Variants in PARG observed in about 807,000 individuals in gnomAD.
PARG encodes mitochondrial poly(ADP-ribose) glycohydrolase.
A neutral mutation model predicts 113.0 loss-of-function variants in PARG; 35 were observed. The observed-to-expected ratio is 0.31, with a 90% CI of 0.24 to 0.41. The LOEUF (loss-of-function observed/expected upper bound fraction) is 0.41. PARG is among the 10% of genes least tolerant of loss of function. The pLI is 1.00. For synonymous variants in PARG, 330 were observed against 409.9 expected (o/e 0.81, Z 2.36); for missense variants, 797 against 1,169.4 (o/e 0.68, Z 4.64).
chr10:49,862,174 A>T (rs1478207973), intron 11 of PARG, among the ~76,000 whole-genome samples: 1 of 151,476 alleles, frequency 6.6e-6, no homozygotes, highest in African/African-American at 2.4e-5. Context: ...AATAAGGTTA[A>T]CAGATAAACT....
chr10:49,857,082 T>C (rs1488357040), intron 13 of PARG, among the ~76,000 whole-genome samples: 1 of 147,854 alleles, frequency 6.8e-6, no homozygotes, highest in African/African-American at 2.5e-5. Flanking sequence ...GTTCCTCAGA[T>C]AAAGATGCCA....
intron 13 of PARG, among the ~76,000 whole-genome samples, chr10:49,844,514 T>C (rs975173110): frequency 6.6e-6 from 1 of 151,042 alleles, no homozygotes; most frequent in Non-Finnish European, 1.5e-5. Flanking sequence ...TCCCAGCTAC[T>C]CAGGAGGCTG....
chr10:49,905,550 T>G (rs1848545492), intron 7 of PARG, among the ~76,000 whole-genome samples: 1 of 152,034 alleles, frequency 6.6e-6, no homozygotes, highest in Non-Finnish European at 1.5e-5. Flanking sequence ...ATAAATAAGT[T>G]TGAAAAAAAG....
At chr10:49,899,166 A>G (rs1293058188) in intron 7 of PARG, among the ~76,000 whole-genome samples, 3 of 152,242 alleles carry the variant, frequency 2.0e-5, no homozygotes, top group African/African-American at 7.2e-5. Context: ...CTTTTGTGTA[A>G]GTTGATTAAA....
intron 1 of PARG, among the ~76,000 whole-genome samples, chr10:49,939,829 G>T (rs1353719611): frequency 6.6e-6 from 1 of 152,146 alleles, no homozygotes; most frequent in Non-Finnish European, 1.5e-5. Flanking sequence ...ACTTGGTACT[G>T]CCCCTAAGTA....
chr10:49,828,959 C>A (rs11101239), intron 16 of PARG, among the ~76,000 whole-genome samples: 1 of 152,166 alleles, frequency 6.6e-6, no homozygotes, highest in Non-Finnish European at 1.5e-5. Flanking sequence ...TTTTGCCAGC[C>A]GGGCACGGTG....
At chr10:49,828,092 CAAAAAAAAA>C (rs71026274) in intron 16 of PARG, among the ~76,000 whole-genome samples, 2 of 50,368 alleles carry the variant, frequency 4.0e-5, no homozygotes, top group African/African-American at 1.6e-4. Flanking sequence ...AAAGCTTAAA[CAAAAAAAAA>C]AAAAAAAAAA....
chr10:49,862,273 A>G (rs1414692794), intron 11 of PARG, among the ~76,000 whole-genome samples: 1 of 152,012 alleles, frequency 6.6e-6, no homozygotes, highest in Non-Finnish European at 1.5e-5. Flanking sequence ...TTAACAACAA[A>G]TTCCATTGTA....
At chr10:49,892,133 AG>A (rs1377532682) in intron 7 of PARG, among the ~76,000 whole-genome samples, 1 of 152,090 alleles carries the variant, frequency 6.6e-6, no homozygotes, top group Non-Finnish European at 1.5e-5. Context: ...CCTCATACAT[AG>A]GTGCATTTAT....
intron 7 of PARG, among the ~76,000 whole-genome samples, chr10:49,888,272 A>AG (rs1165295387): frequency 6.6e-6 from 1 of 151,698 alleles, no homozygotes; most frequent in Admixed American, 6.6e-5. Flanking sequence ...AACACTCAAA[A>AG]AAGTTTTTAA....
At chr10:49,893,555 C>CCA (rs1564637706) in intron 7 of PARG, among the ~76,000 whole-genome samples, 8 of 152,116 alleles carry the variant, frequency 5.3e-5, no homozygotes, top group Non-Finnish European at 1.2e-4. Context: ...CTCACTGTGT[C>CCA]GCCAAAGCTG....
chr10:49,846,210 C>T (rs1352260651), intron 13 of PARG, among the ~76,000 whole-genome samples: 1 of 150,484 alleles, frequency 6.6e-6, no homozygotes, highest in Non-Finnish European at 1.5e-5. Context: ...TTACGCTAAG[C>T]AAAAGCAGCA....
chr10:49,932,351 A>G (rs1406460657), intron 3 of PARG, 68 bp from the exon 4 acceptor site: 1 of 899,230 alleles, frequency 1.1e-6, no homozygotes, highest in Non-Finnish European at 1.9e-6. Flanking sequence ...ATACACAAGC[A>G]CAAAACTTAC....
At chr10:49,822,224 CTG>C (rs150376140) in intron 16 of PARG, among the ~76,000 whole-genome samples, 113 of 149,212 alleles carry the variant, frequency 7.6e-4, no homozygotes, top group Non-Finnish European at 1.1e-3. Flanking sequence ...ATATGTGTAT[CTG>C]TGTGTGTGTG....
chr10:49,870,474 A>T (rs1332532365), intron 9 of PARG, among the ~76,000 whole-genome samples: 2 of 150,018 alleles, frequency 1.3e-5, no homozygotes, highest in Non-Finnish European at 3.0e-5. Flanking sequence ...TAACCACAAC[A>T]GTGCCTACCC....
chr10:49,839,717 A>T (rs1464867979), intron 15 of PARG, among the ~76,000 whole-genome samples: 1 of 152,252 alleles, frequency 6.6e-6, no homozygotes, highest in Non-Finnish European at 1.5e-5. Context: ...ATCATAATTG[A>T]GGATAACTTC....
chr10:49,881,945 A>C (rs1847238081), intron 8 of PARG, among the ~76,000 whole-genome samples: 1 of 152,212 alleles, frequency 6.6e-6, no homozygotes. Flanking sequence ...AAAAGGTGAC[A>C]GTGCATCAAT....
chr10:49,840,573 G>A (rs1366354627), intron 15 of PARG, among the ~76,000 whole-genome samples: 3 of 151,940 alleles, frequency 2.0e-5, no homozygotes, highest in Non-Finnish European at 4.4e-5. Context: ...CACCTGTTAC[G>A]TAAGTTCAAC....
intron 13 of PARG, among the ~76,000 whole-genome samples, chr10:49,853,460 TAG>T (rs1162697480): frequency 1.3e-5 from 2 of 151,968 alleles, no homozygotes; most frequent in Non-Finnish European, 2.9e-5. Context: ...TGCTCAACAA[TAG>T]ATTTATGCCA....
Sources: allele counts gnomAD v4.1 joint callset (sites outside exome capture counted in the v4.1 genomes callset), GRCh38; gene constraint gnomAD v4.1.1; transcripts MANE v1.5; gene names NCBI Gene and HGNC (gene_info 2026-07-23, HGNC 2026-07-21).